The following RBFOX1 variants were observed in gnomAD, a reference collection of about 807,000 sequenced individuals.
RBFOX1 encodes RNA binding fox-1 homolog 1, also known as RNA binding protein fox-1 homolog 1.
RBFOX1 carries 8 observed loss-of-function variants against 57.7 expected under a neutral mutation model. The observed-to-expected ratio is 0.14, with a 90% CI of 0.08 to 0.25. The LOEUF (loss-of-function observed/expected upper bound fraction) is 0.25, where lower values mean the gene tolerates loss of function less well. Ranked by LOEUF, RBFOX1 falls within the 10% of genes least tolerant of loss-of-function variation. The pLI is 1.00. For synonymous variants in RBFOX1, 326 were observed against 222.4 expected (o/e 1.47, Z -4.15); for missense variants, 611 against 548.5 (o/e 1.11, Z -1.14).
chr16:6,332,859 A>C (rs1382189663), intron 2 of RBFOX1, among the ~76,000 whole-genome samples: 1 of 152,220 alleles, frequency 6.6e-6, no homozygotes, highest in East Asian at 1.9e-4. Context: ...TGAATCCTTC[A>C]TTGATGATGC....
intron 11 of RBFOX1, among the ~76,000 whole-genome samples, chr16:7,648,469 C>T (rs1431872966): frequency 6.6e-6 from 1 of 152,128 alleles, no homozygotes; most frequent in Non-Finnish European, 1.5e-5. Flanking sequence ...GTGATCTGCC[C>T]ACCTTGGCCT....
chr16:6,547,662 C>G (rs962149479), intron 2 of RBFOX1, among the ~76,000 whole-genome samples: 6 of 152,066 alleles, frequency 3.9e-5, no homozygotes, highest in African/African-American at 1.4e-4. Context: ...TAAATGTGAT[C>G]GCTTTTTGAG....
chr16:5,905,064 CTT>C (rs57349384), intron 4 of RBFOX1, among the ~76,000 whole-genome samples: 155 of 78,446 alleles, frequency 2.0e-3, no homozygotes, highest in African/African-American at 6.9e-3. Flanking sequence ...ATGACTGGTG[CTT>C]TTTTTTTTTT....
chr16:5,753,576 C>T (rs920553951), intron 3 of RBFOX1, among the ~76,000 whole-genome samples: 3 of 152,162 alleles, frequency 2.0e-5, no homozygotes, highest in East Asian at 1.9e-4. Context: ...CTTGTATTGG[C>T]TGGCGAGAGC....
At chr16:5,571,302 C>T (rs2046275139) in intron 2 of RBFOX1, among the ~76,000 whole-genome samples, 1 of 145,746 alleles carries the variant, frequency 6.9e-6, no homozygotes, top group East Asian at 2.1e-4. Flanking sequence ...CTCACTGCAG[C>T]CTCCACTTCC....
chr16:7,564,225 C>G (rs1401413021), intron 5 of RBFOX1, among the ~76,000 whole-genome samples: 1 of 152,084 alleles, frequency 6.6e-6, no homozygotes, highest in Non-Finnish European at 1.5e-5. Context: ...TTCCCTCCCT[C>G]TTCCATCTGA....
intron 3 of RBFOX1, among the ~76,000 whole-genome samples, chr16:5,651,565 C>T (rs567776426): frequency 1.2e-4 from 19 of 152,090 alleles, no homozygotes; most frequent in East Asian, 5.8e-4. Context: ...AGCATTTTTT[C>T]GGGGGAAATG....
intron 3 of RBFOX1, among the ~76,000 whole-genome samples, chr16:7,003,483 A>G (rs1370312217): frequency 6.6e-6 from 1 of 151,858 alleles, no homozygotes; most frequent in African/African-American, 2.4e-5. Context: ...AAAAAATTAT[A>G]AAAGAAGGAG....
At chr16:7,405,345 A>G (rs2098322521) in intron 4 of RBFOX1, among the ~76,000 whole-genome samples, 1 of 152,160 alleles carries the variant, frequency 6.6e-6, no homozygotes, top group African/African-American at 2.4e-5. Context: ...AGCTGCGATG[A>G]GATTAGCAGA....
At chr16:6,864,546 T>C (rs1310388976) in intron 3 of RBFOX1, among the ~76,000 whole-genome samples, 8 of 142,404 alleles carry the variant, frequency 5.6e-5, no homozygotes, top group South Asian at 2.2e-4. Context: ...CTCTCCTTCC[T>C]CTTTTTTTTT....
At chr16:7,478,747 A>G (rs1289783600) in intron 4 of RBFOX1, among the ~76,000 whole-genome samples, 2 of 152,180 alleles carry the variant, frequency 1.3e-5, no homozygotes, top group African/African-American at 4.8e-5. Flanking sequence ...GGAACCCAAA[A>G]CTGACTCCGC....
At chr16:6,819,312 G>T (rs938462667) in intron 3 of RBFOX1, among the ~76,000 whole-genome samples, 2 of 152,144 alleles carry the variant, frequency 1.3e-5, no homozygotes, top group African/African-American at 4.8e-5. Flanking sequence ...GCTCACTTAG[G>T]TTTGAATTAT....
intron 4 of RBFOX1, among the ~76,000 whole-genome samples, chr16:7,343,490 A>T (rs2096936502): frequency 6.6e-6 from 1 of 152,150 alleles, no homozygotes; most frequent in Non-Finnish European, 1.5e-5. Context: ...GGGCTAGAGG[A>T]GCTGCCCTCT....
chr16:5,951,105 T>C (rs1224458859), intron 4 of RBFOX1, among the ~76,000 whole-genome samples: 1 of 152,124 alleles, frequency 6.6e-6, no homozygotes, highest in Non-Finnish European at 1.5e-5. Context: ...CAGAGACCTA[T>C]ACAATCTGAA....
chr16:5,318,875 G>A (rs2064317835), intron 1 of RBFOX1, among the ~76,000 whole-genome samples: 1 of 152,222 alleles, frequency 6.6e-6, no homozygotes. Flanking sequence ...GCTCATGCCT[G>A]TAATCCAAGC....
At chr16:7,252,717 G>C (rs1210652298) in intron 4 of RBFOX1, among the ~76,000 whole-genome samples, 1 of 145,972 alleles carries the variant, frequency 6.9e-6, no homozygotes, top group African/African-American at 2.5e-5. Context: ...TTTTAAATTT[G>C]AGTCACCCAA....
intron 2 of RBFOX1, among the ~76,000 whole-genome samples, chr16:6,407,058 A>G (rs551671814): frequency 2.0e-5 from 3 of 152,336 alleles, no homozygotes; most frequent in Middle Eastern, 3.4e-3. Flanking sequence ...TTTCACAACA[A>G]CATGGTGTTA....
chr16:5,674,680 C>T (rs571096145), intron 3 of RBFOX1, among the ~76,000 whole-genome samples: 7 of 152,262 alleles, frequency 4.6e-5, no homozygotes, highest in Admixed American at 2.0e-4. Flanking sequence ...CAACCTAATA[C>T]GTGGCGAATG....
At chr16:7,224,346 A>G (rs149953536) in intron 4 of RBFOX1, among the ~76,000 whole-genome samples, 1 of 152,244 alleles carries the variant, frequency 6.6e-6, no homozygotes, top group Admixed American at 6.5e-5. Context: ...AATTCTACCA[A>G]AAGCCATTTT....
Sources: allele counts gnomAD v4.1 joint callset (sites outside exome capture counted in the v4.1 genomes callset), GRCh38; gene constraint gnomAD v4.1.1; transcripts MANE v1.5; gene names NCBI Gene and HGNC (gene_info 2026-07-23, HGNC 2026-07-21).